The following ZZZ3 variants were observed in gnomAD, a reference collection of about 807,000 sequenced individuals.
ZZZ3 encodes the protein ZZ-type zinc finger-containing protein 3.
In ZZZ3, 22 loss-of-function variants were observed where a neutral mutation model predicts 95.2. That is an observed-to-expected ratio of 0.23 (90% confidence interval 0.17 to 0.33). The LOEUF (loss-of-function observed/expected upper bound fraction) is 0.33, where lower values mean the gene tolerates loss of function less well. Among genes scored for constraint, ZZZ3 ranks in the 10% least tolerant of loss-of-function variants. The probability of loss-of-function intolerance (pLI) is 1.00; values close to 1 mark genes in which losing one functional copy is unlikely to be tolerated. For synonymous variants in ZZZ3, 335 were observed against 358.9 expected, an observed-to-expected ratio of 0.93 and a Z score of 0.75; for missense variants, 885 against 1,066.5, an observed-to-expected ratio of 0.83 and a Z score of 2.37.
At chr1:77,583,918 G>T (rs1395703350) in intron 6 of ZZZ3, among the ~76,000 whole-genome samples, 1 of 151,928 alleles carries the variant, frequency 6.6e-6, no homozygotes, top group Non-Finnish European at 1.5e-5. Flanking sequence ...GCTTTTAAGT[G>T]GTTAAGTATT....
intron 5 of ZZZ3, among the ~76,000 whole-genome samples, chr1:77,595,378 A>G (rs1183357209): frequency 6.6e-6 from 1 of 152,076 alleles, no homozygotes; most frequent in Non-Finnish European, 1.5e-5. Flanking sequence ...AATGCATCAT[A>G]TAAGAAGTAA....
chr1:77,566,028 G>T, intron 14 of ZZZ3, 53 bp downstream of exon 14: 1 of 1,396,646 alleles, frequency 7.2e-7, no homozygotes, highest in Non-Finnish European at 9.9e-7. Context: ...ACTAATGGCT[G>T]AGAAGCTCTT....
At position 77,638,886 on chromosome 1, in the gene ZZZ3, A is replaced by AT. The variant is rs1668524579; in HGVS notation, c.-52+562dup. On this transcript the variant is annotated intron_variant, in intron 4 of 14. Coordinates refer to ENST00000370801, the MANE Select transcript of ZZZ3 (RefSeq NM_015534.6). ...ATACCTCAGCAGTGCAATTACCACC[A>AT]TATCTATAATGTTAAAAGTAGAAGA... is the stretch of plus-strand genomic sequence containing the variant. Among the ~76,000 whole-genome samples the AT allele has an allele frequency of 3.9e-5, 6 of 152,332 alleles. No individual in the cohort carries two copies. The South Asian group carries it at 1.2e-3, about 32-fold the overall frequency.
At chr1:77,664,818 A>G (rs1476971846) in intron 1 of ZZZ3, among the ~76,000 whole-genome samples, 2 of 152,234 alleles carry the variant, frequency 1.3e-5, no homozygotes, top group Non-Finnish European at 2.9e-5. Context: ...TATTTAAGAA[A>G]GTTTATTTTA....
At chr1:77,649,885 A>G (rs189523125) in intron 1 of ZZZ3, among the ~76,000 whole-genome samples, 3 of 152,272 alleles carry the variant, frequency 2.0e-5, no homozygotes, top group Non-Finnish European at 4.4e-5. Flanking sequence ...AAAAAAAAAA[A>G]AGCTTTTCCC....
chr1:77,584,434 A>G, intron 6 of ZZZ3, 83 bp downstream of exon 6: 2 of 1,373,750 alleles, frequency 1.5e-6, no homozygotes, highest in Non-Finnish European at 2.0e-6. Flanking sequence ...AAAAGTATAT[A>G]CCCATAAAAA....
At chr1:77,566,915 C>T (rs1393049565) in intron 13 of ZZZ3, among the ~76,000 whole-genome samples, 4 of 152,130 alleles carry the variant, frequency 2.6e-5, no homozygotes, top group Non-Finnish European at 5.9e-5. Flanking sequence ...GACAGAATGG[C>T]AAACAAGCCA....
chr1:77,674,803 T>C lies in ZZZ3; in HGVS notation c.-403+7782A>G, dbSNP rs552611762. Among the ~76,000 whole-genome samples, 4 of 151,666 alleles carry C rather than the reference T, an allele frequency of 2.6e-5. No homozygotes were observed. The South Asian group carries it at 8.3e-4, about 32-fold the overall frequency. ...CCCGTCTCTACTAAAAATACAAAAA[T>C]GAGCTGCACATAGTGGCGTGTGCCT... On this transcript the variant is annotated intron_variant, in intron 1 of 14. Transcript: ENST00000370801.
rs1035766364 is a variant in ZZZ3 at position 77,640,528 on chromosome 1, A to T, written c.-206+856T>A. ...GGCAGGAGAATCGCTTGAACCTGGG[A>T]GGCAGAGGTTGCAGTGAGCCAAGAT... is the stretch of plus-strand genomic sequence containing the variant. On this transcript the variant is annotated intron_variant, in intron 3 of 14. Coordinates refer to ENST00000370801, the MANE Select transcript of ZZZ3 (RefSeq NM_015534.6). Among the ~76,000 whole-genome samples, 4 of 150,954 alleles carry T rather than the reference A, an allele frequency of 2.6e-5. No homozygotes were observed. In the East Asian group the frequency reaches 7.9e-4, roughly 30 times the overall value.
intron 5 of ZZZ3, among the ~76,000 whole-genome samples, chr1:77,601,511 T>C (rs1018062095): frequency 6.6e-6 from 1 of 152,052 alleles, no homozygotes; most frequent in East Asian, 1.9e-4. Context: ...AAGAAAAAAT[T>C]GTATCATGTT....
At chr1:77,671,327 T>G (rs1334093060) in intron 1 of ZZZ3, among the ~76,000 whole-genome samples, 1 of 152,166 alleles carries the variant, frequency 6.6e-6, no homozygotes, top group Admixed American at 6.5e-5. Flanking sequence ...CCACAGCTAT[T>G]TCCACTTCTG....
intron 4 of ZZZ3, among the ~76,000 whole-genome samples, chr1:77,635,088 T>C (rs966990462): frequency 1.3e-5 from 2 of 152,108 alleles, no homozygotes; most frequent in African/African-American, 4.8e-5. Context: ...ACTAGAACTA[T>C]CTAACAGTGG....
At chr1:77,610,227 A>G (rs1027726652) in intron 5 of ZZZ3, among the ~76,000 whole-genome samples, 1 of 151,916 alleles carries the variant, frequency 6.6e-6, no homozygotes, top group Non-Finnish European at 1.5e-5. Flanking sequence ...AATCTGGAAT[A>G]GATAAATTGC....
chr1:77,573,270 C>T (rs997217110), intron 12 of ZZZ3, among the ~76,000 whole-genome samples: 11 of 138,540 alleles, frequency 7.9e-5, no homozygotes, highest in South Asian at 2.3e-4. Flanking sequence ...CAGGCATGCA[C>T]CACCATGCCC....
At chr1:77,661,374 T>C (rs1479109683) in intron 1 of ZZZ3, among the ~76,000 whole-genome samples, 1 of 151,928 alleles carries the variant, frequency 6.6e-6, no homozygotes, top group Non-Finnish European at 1.5e-5. Flanking sequence ...GATCACGCCA[T>C]TACACTCCAG....
At position 77,633,018 on chromosome 1, in the gene ZZZ3, A is replaced by C; in HGVS notation, c.337T>G (p.Ser113Ala). ...NCERRQTEPV[S>A]PVLKRIKRCL... is the part of the protein sequence containing the mutation. ...CGCTTAATTCTTTTTAAAACTGGTGAAACAGGTTCTGTTTGCCTTCTCTCA... is the reference window on the plus strand; with the variant it reads ...CGCTTAATTCTTTTTAAAACTGGTGCAACAGGTTCTGTTTGCCTTCTCTCA... The change falls in exon 5 of 15, where the codon TCA becomes GCA. Residue 113 changes from serine (S) to alanine (A), a missense_variant. Ser to Ala is a moderately conservative substitution (Grantham distance 99). Around this residue, in one of 5 missense-constraint regions of ZZZ3, gnomAD observed 556 missense variants for 652.9 expected, o/e 0.85. Coordinates refer to ENST00000370801, the MANE Select transcript of ZZZ3 (RefSeq NM_015534.6). 6.2e-7 allele frequency: 1 copy of C among 1,613,986 alleles called. No homozygotes were observed. Among genetic ancestry groups the C allele is most frequent in the South Asian group, 1.1e-5 (1 of 91,078 alleles).
chr1:77,622,073 G>A (rs1666922356), intron 5 of ZZZ3, among the ~76,000 whole-genome samples: 1 of 151,086 alleles, frequency 6.6e-6, no homozygotes, highest in African/African-American at 2.4e-5. Context: ...CACTTTGGGA[G>A]GCCGAGGAAA....
intron 12 of ZZZ3, among the ~76,000 whole-genome samples, chr1:77,573,885 G>T (rs1661656966): frequency 6.6e-6 from 1 of 151,646 alleles, no homozygotes; most frequent in Non-Finnish European, 1.5e-5. Context: ...TTTAAGCAAG[G>T]AATCAGAATC....
intron 1 of ZZZ3, among the ~76,000 whole-genome samples, chr1:77,668,506 C>T (rs909762918): frequency 6.6e-6 from 1 of 152,118 alleles, no homozygotes; most frequent in Non-Finnish European, 1.5e-5. Context: ...ACATTATATA[C>T]TCTCTATATA....
Sources: gnomAD v4.1 joint callset for allele counts (sites outside exome capture counted in the v4.1 genomes callset) on GRCh38, gnomAD v4.1.1 for gene constraint, gnomAD v4.1.1 regional missense constraint, MANE v1.5 for transcripts, NCBI Gene and HGNC (gene_info 2026-07-23, HGNC 2026-07-21) for gene names.